Variants in CCDC88A observed in about 807,000 individuals in gnomAD.
The protein encoded by CCDC88A is girdin.
In CCDC88A, 54 loss-of-function variants were observed where a neutral mutation model predicts 234.3. The ratio of observed to expected loss-of-function variants is 0.23; its 90% CI spans 0.19 to 0.29. The LOEUF is 0.29. Ranked by LOEUF, CCDC88A falls within the 10% of genes least tolerant of loss-of-function variation. CCDC88A has a pLI of 1.00. For synonymous variants in CCDC88A, 753 were observed against 737.8 expected (o/e 1.02, Z -0.33); for missense variants, 1,832 against 2,123.4 (o/e 0.86, Z 2.70).
intron 29 of CCDC88A, among the ~76,000 whole-genome samples, chr2:55,299,451 T>G (rs777819067): frequency 5.3e-5 from 8 of 152,212 alleles, no homozygotes; most frequent in Non-Finnish European, 8.8e-5. Context: ...CCTTATTTTG[T>G]GGATAAATTA....
Position 55,335,264 on chromosome 2 carries a change from GT to G in CCDC88A, c.1657-101del, listed in dbSNP as rs1685340057. Reference sequence around the variant, plus strand: ...CCAAGAAAAGGGGAACAAAAAAAGGGTGCTAGAACATGTCTTACTTTTAATT... The same window carrying G: ...CCAAGAAAAGGGGAACAAAAAAAGGGGCTAGAACATGTCTTACTTTTAATT... On this transcript the variant is annotated intron_variant, in intron 14 of 32. Transcript: ENST00000436346. This position sits in a 1 kb window ranked among gnomAD's most constrained non-coding sequence, Gnocchi z 4.5. 1 of 690,666 alleles carries G rather than the reference GT, an allele frequency of 1.4e-6. No homozygotes were observed. The highest frequency in any genetic ancestry group is 3.4e-5 in the Admixed American group (1 of 29,264). The allele number at this position is 690,666 out of a possible 1,614,324, so 42.8% of individuals were successfully genotyped here.
intron 2 of CCDC88A, among the ~76,000 whole-genome samples, chr2:55,410,720 C>CA (rs1171126008): frequency 6.6e-6 from 1 of 151,398 alleles, no homozygotes; most frequent in Non-Finnish European, 1.5e-5. Context: ...TCTGCCTTTA[C>CA]AAAAAACAAA....
intron 29 of CCDC88A, among the ~76,000 whole-genome samples, chr2:55,298,377 C>T (rs1050180771): frequency 2.6e-5 from 4 of 151,374 alleles, no homozygotes; most frequent in African/African-American, 4.9e-5. Context: ...TAAGGCTAGT[C>T]AAATGAAGTA....
At chr2:55,304,220 C>T (rs1319039470) in intron 25 of CCDC88A, among the ~76,000 whole-genome samples, 1 of 152,146 alleles carries the variant, frequency 6.6e-6, no homozygotes, top group Admixed American at 6.5e-5. Context: ...ATCGCTTGAG[C>T]CCAGGAGTTC....
intron 9 of CCDC88A, among the ~76,000 whole-genome samples, chr2:55,347,265 T>C (rs1015584041): frequency 2.0e-5 from 3 of 152,200 alleles, no homozygotes; most frequent in Non-Finnish European, 4.4e-5. Context: ...TTTAGGATAG[T>C]AGTTCTTAAA....
chr2:55,386,016 G>T (rs1172590686), intron 3 of CCDC88A, among the ~76,000 whole-genome samples: 1 of 149,824 alleles, frequency 6.7e-6, no homozygotes, highest in South Asian at 2.1e-4. Flanking sequence ...CTGAGGTCAG[G>T]AGTTCAAGAC....
At chr2:55,411,613 T>C (rs1341938099) in intron 2 of CCDC88A, among the ~76,000 whole-genome samples, 1 of 151,380 alleles carries the variant, frequency 6.6e-6, no homozygotes, top group Non-Finnish European at 1.5e-5. Context: ...ATCCCGTCTC[T>C]ACTAAAAACA....
intron 2 of CCDC88A, among the ~76,000 whole-genome samples, chr2:55,396,826 C>T (rs548730160): frequency 7.9e-5 from 11 of 139,274 alleles, no homozygotes; most frequent in South Asian, 2.3e-4. Flanking sequence ...GCCGAGATCA[C>T]GCCACTGCAC....
At chr2:55,350,856 T>C (rs1237704095) in intron 8 of CCDC88A, among the ~76,000 whole-genome samples, 1 of 151,996 alleles carries the variant, frequency 6.6e-6, no homozygotes, top group East Asian at 1.9e-4. Context: ...CTCACTCTGT[T>C]GTCCAGGGTG....
intron 2 of CCDC88A, among the ~76,000 whole-genome samples, chr2:55,400,416 G>A (rs939949427): frequency 2.6e-4 from 39 of 152,232 alleles, no homozygotes; most frequent in African/African-American, 8.7e-4. Flanking sequence ...AAATAGCCTA[G>A]CAATATGGCT....
Position 55,289,564 on chromosome 2 carries a change from C to G in CCDC88A, c.*1636G>C, listed in dbSNP as rs1258081564. ...TTTCCATTTACATAGCACCTTTCAT[C>G]CAAGATTTTCAAAATGATTTAACGT... is the stretch of plus-strand genomic sequence containing the variant. On this transcript the variant is annotated 3_prime_UTR_variant, in exon 33 of 33. Coordinates refer to ENST00000436346, the MANE Select transcript of CCDC88A (RefSeq NM_001365480.1). 1 of 152,088 alleles carries G rather than the reference C, an allele frequency of 6.6e-6. No individual in the cohort carries two copies. Among genetic ancestry groups the G allele is most frequent in the Non-Finnish European group, 1.5e-5 (1 of 67,984 alleles). 9.4% of individuals were successfully genotyped at this position (152,088 alleles called of 1,614,324 possible).
At chr2:55,415,774 G>A (rs998564651) in intron 2 of CCDC88A, among the ~76,000 whole-genome samples, 1 of 152,142 alleles carries the variant, frequency 6.6e-6, no homozygotes. Context: ...CCACCAAGTA[G>A]GTCCTGTTTC....
chr2:55,408,727 T>C (rs1305919751), intron 2 of CCDC88A, among the ~76,000 whole-genome samples: 2 of 152,170 alleles, frequency 1.3e-5, no homozygotes, highest in African/African-American at 4.8e-5. Flanking sequence ...TGTGGAGTAG[T>C]CATACTTATA....
At chr2:55,399,210 T>C (rs775147161) in intron 2 of CCDC88A, among the ~76,000 whole-genome samples, 12 of 151,976 alleles carry the variant, frequency 7.9e-5, no homozygotes, top group Non-Finnish European at 1.5e-4. Context: ...ATATATGGGC[T>C]AAATAACAGA....
chr2:55,419,485 A>G lies in CCDC88A; in HGVS notation c.-406T>C. ...AATCCCAACGGGGGCTAAATGAAAT[A>G]CGTTAAACAGAGACCACGTTAAGGA... On this transcript the variant is annotated 5_prime_UTR_variant, in exon 1 of 33. Coordinates refer to ENST00000436346, the MANE Select transcript of CCDC88A (RefSeq NM_001365480.1). 5.2e-6 allele frequency: 1 copy of G among 192,998 alleles called. No individual in the cohort carries two copies. Among genetic ancestry groups the G allele is most frequent in the Non-Finnish European group, 1.1e-5 (1 of 92,446 alleles). 12.0% of individuals were successfully genotyped at this position (192,998 alleles called of 1,614,324 possible).
At chr2:55,397,654 T>C (rs72799578) in intron 2 of CCDC88A, among the ~76,000 whole-genome samples, 9,722 of 152,090 alleles carry the variant, frequency 0.064, 476 homozygotes, top group Admixed American at 0.11. Flanking sequence ...CCTGACAGAG[T>C]TGTTGTCAAG....
chr2:55,288,407 CAA>C lies in CCDC88A; in HGVS notation c.*2791_*2792del, dbSNP rs1679212570. ...CACTCACAAAAAGTAACTTAAAATA[CAA>C]AAGTCATTTAGTATACATTATTACT... On this transcript the variant is annotated 3_prime_UTR_variant, in exon 33 of 33. Transcript: ENST00000436346. 6.6e-6 allele frequency: 1 copy of C among 152,548 alleles called. No individual in the cohort carries two copies. Among genetic ancestry groups the C allele is most frequent in the African/African-American group, 2.4e-5 (1 of 41,430 alleles). The allele number at this position is 152,548 out of a possible 1,614,324, so 9.4% of individuals were successfully genotyped here.
intron 10 of CCDC88A, among the ~76,000 whole-genome samples, chr2:55,344,749 G>C (rs767436115): frequency 6.6e-6 from 1 of 151,982 alleles, no homozygotes; most frequent in Non-Finnish European, 1.5e-5. Flanking sequence ...TTAAATTGTC[G>C]GGGTATATTT....
chr2:55,288,840 CTTT>C lies in CCDC88A; in HGVS notation c.*2357_*2359del, dbSNP rs1679243522. Reference sequence around the variant, plus strand: ...ATGGCTCCGATTCGTTTCCAGTTGGCTTTATTATTGTTTGGCAGAAGTTGTTTA... The same window carrying C: ...ATGGCTCCGATTCGTTTCCAGTTGGCATTATTGTTTGGCAGAAGTTGTTTA... On this transcript the variant is annotated 3_prime_UTR_variant, in exon 33 of 33. Coordinates refer to ENST00000436346, the MANE Select transcript of CCDC88A (RefSeq NM_001365480.1). 6.6e-6 allele frequency: 1 copy of C among 152,118 alleles called. No individual in the cohort carries two copies. Among genetic ancestry groups the C allele is most frequent in the Non-Finnish European group, 1.5e-5 (1 of 68,010 alleles). The allele number at this position is 152,118 out of a possible 1,614,324, so 9.4% of individuals were successfully genotyped here.
Sources: gnomAD v4.1 joint callset for allele counts (sites outside exome capture counted in the v4.1 genomes callset) on GRCh38, gnomAD v4.1.1 for gene constraint, Gnocchi (gnomAD v3.1) non-coding constraint, MANE v1.5 for transcripts, NCBI Gene and HGNC (gene_info 2026-07-23, HGNC 2026-07-21) for gene names.